TTN: variants seen among roughly 807,000 people sequenced by gnomAD.
TTN encodes the protein titin.
TTN carries 1,525 observed loss-of-function variants against 3,223.0 expected under a neutral mutation model. That is an observed-to-expected ratio of 0.47 (90% confidence interval 0.45 to 0.49). The LOEUF (loss-of-function observed/expected upper bound fraction) is 0.49, where lower values mean the gene tolerates loss of function less well. Ranked by LOEUF, TTN falls within the 20% of genes least tolerant of loss-of-function variation. The pLI is 0.00. For synonymous variants in TTN, 14,094 were observed against 15,161.0 expected, an observed-to-expected ratio of 0.93 and a Z score of 5.17; for missense variants, 40,786 against 43,424.0, an observed-to-expected ratio of 0.94 and a Z score of 5.40.
rs763218612 is a variant in TTN at position 178,786,171 on chromosome 2, T to C, written c.2077-30A>G. ...AGACAAGGTTTCCAGAATTAATACATAGGAATATCGAGATCAGGCTGGAAT... is the reference window on the plus strand; with the variant it reads ...AGACAAGGTTTCCAGAATTAATACACAGGAATATCGAGATCAGGCTGGAAT... On this transcript the variant is annotated intron_variant, in intron 13 of 362. Coordinates refer to ENST00000589042, the MANE Select transcript of TTN (RefSeq NM_001267550.2). 5.0e-6 allele frequency: 8 copies of C among 1,610,644 alleles called. No individual in the cohort carries two copies. In the African/African-American group the frequency reaches 5.3e-5, roughly 11 times the overall value.
chr2:178,549,987 T>C lies in TTN; in HGVS notation c.91851A>G (p.Gln30617=), dbSNP rs1698689694. The part of the protein sequence containing the change: ...SAKAEIKVKV[Q]DTPGKVVGPI... ...ATTAAGAAGCTATTTTAAAAGTACC[T>C]TGTACTTTCACTTTAATTTCTGCTT... Residue 30617 remains glutamine (Q), a splice_region_variant and synonymous_variant, in exon 337 of 363, where the codon CAA becomes CAG. Coordinates refer to ENST00000589042, the MANE Select transcript of TTN (RefSeq NM_001267550.2). 1.2e-6 allele frequency: 2 copies of C among 1,606,582 alleles called. No homozygotes were observed. The highest frequency in any genetic ancestry group is 1.7e-6 in the Non-Finnish European group (2 of 1,174,818).
chr2:178,529,323 CT>C, intron 359 of TTN, 104 bp from the exon 360 acceptor site: 1 of 878,436 alleles, frequency 1.1e-6, no homozygotes, highest in Admixed American at 3.5e-5. Flanking sequence ...AAAAAGTCAA[CT>C]TCTTCATGCA....
chr2:178,548,027 G>GTT lies in TTN; in HGVS notation c.93598_93599insAA (p.Ala31200GlufsTer27). On this transcript the variant is annotated frameshift_variant, in exon 339 of 363. Transcript: ENST00000589042. LOFTEE classifies it high-confidence loss of function. The surrounding 1 kb of genome is among the most constrained non-coding windows in gnomAD (Gnocchi z 4.3). ...CTCCTTAATGATGACAGAAGAGAAG[G>GTT]CTTCTCTGGGTTCACTATAGCCAGC... is the stretch of plus-strand genomic sequence containing the variant. 1 of 1,613,806 alleles carries GTT rather than the reference G, an allele frequency of 6.2e-7. No homozygotes were observed. The highest frequency in any genetic ancestry group is 8.5e-7 in the Non-Finnish European group (1 of 1,179,804).
At chr2:178,748,795 A>G (rs749355541) in intron 47 of TTN, 2 of 1,611,998 alleles carry the variant, frequency 1.2e-6, no homozygotes, top group Admixed American at 1.7e-5. Context: ...TTTGAGAGGA[A>G]AGCAGCTTTA....
At position 178,540,265 on chromosome 2, in the gene TTN, C is replaced by T. The variant is rs752930173; in HGVS notation, c.97901G>A (p.Gly32634Asp). The T allele has an allele frequency of 1.9e-6, 3 of 1,613,720 alleles. No homozygotes were observed. Among genetic ancestry groups the T allele is most frequent in the African/African-American group, 2.7e-5 (2 of 74,898 alleles). Reference protein sequence around the residue: ...PEDEGGSKVTGYLIEMQKVDQ... With the variant: ...PEDEGGSKVTDYLIEMQKVDQ... ...TACTTTTTGCATTTCAATCAAGTAG[C>T]CTGTGACTTTAGATCCTCCTTCATC... Residue 32634 changes from glycine to aspartate, a missense_variant, in exon 351 of 363, where the codon GGC becomes GAC. Physicochemically the swap from Gly to Asp is moderately conservative, Grantham distance 94. Coordinates refer to ENST00000589042, the MANE Select transcript of TTN (RefSeq NM_001267550.2).
At position 178,543,911 on chromosome 2, in the gene TTN, T is replaced by C. The variant is rs1157695554; in HGVS notation, c.96233A>G (p.Tyr32078Cys). The C allele has an allele frequency of 6.2e-6, 10 of 1,613,726 alleles. No individual in the cohort carries two copies. In the East Asian group the frequency reaches 2.2e-4, roughly 36 times the overall value. The part of the protein sequence containing the change: ...SLLIVDKVNR[Y>C]DAGKYTIEAE... ...TTCAATTGTGTATTTTCCAGCATCG[T>C]ACCGATTAACTTTGTCCACTATTAG... The change falls in exon 346 of 363, where the codon TAC becomes TGC. Residue 32078 changes from tyrosine (Y) to cysteine (C), a missense_variant. Transcript: ENST00000589042.
intron 47 of TTN, chr2:178,744,959 A>G (rs1574141205): frequency 1.0e-6 from 1 of 985,360 alleles, no homozygotes; most frequent in Non-Finnish European, 1.2e-6. Flanking sequence ...ACTTATGAAG[A>G]GGAATATTAA....
In TTN at chr2:178,560,107, C is replaced by T. The variant is rs369528150; in HGVS notation, c.86025G>A (p.Pro28675=). The change falls in exon 326 of 363, where the codon CCG becomes CCA. Residue 28675 remains proline (P), a synonymous_variant. Transcript: ENST00000589042. Reference sequence around the variant, plus strand: ...TTATCGGGGCCCCACCATCAAACAGCGGCTTAACCCAGGCAATAGTTATAG... The same window carrying T: ...TTATCGGGGCCCCACCATCAAACAGTGGCTTAACCCAGGCAATAGTTATAG... ...KTTITIAWVK[P]LFDGGAPITG... is the part of the protein sequence containing the mutation. 6.9e-5 allele frequency: 112 copies of T among 1,613,648 alleles called. 1 individual carries two copies. The highest frequency in any genetic ancestry group is 5.0e-4 in the Middle Eastern group (3 of 6,056).
chr2:178,621,501 C>T lies in TTN; in HGVS notation c.45323G>A (p.Arg15108Gln), dbSNP rs781435431. The change falls in exon 245 of 363, where the codon CGA becomes CAA. Residue 15108 changes from arginine to glutamine, a missense_variant. Coordinates refer to ENST00000589042, the MANE Select transcript of TTN (RefSeq NM_001267550.2). ...ATGTACTTTGACTTTGCCATCGGTT[C>T]GAGAGCTTGGGAGTCGACAGTTGTA... ...GNYNCRLPSS[R>Q]TDGKVKVHEL... 37 of 1,612,342 alleles carry T rather than the reference C, an allele frequency of 2.3e-5. No homozygotes were observed. Among genetic ancestry groups the T allele is most frequent in the Middle Eastern group, 1.7e-4 (1 of 6,046 alleles).
chr2:178,638,460 A>T (rs1323985664), intron 223 of TTN, among the ~76,000 whole-genome samples: 1 of 151,508 alleles, frequency 6.6e-6, no homozygotes, highest in East Asian at 1.9e-4. Context: ...CAGAAAATTA[A>T]ATTAAAAAAT....
rs75785339 is a variant in TTN at position 178,748,420 on chromosome 2, G to C, written c.11311+4704C>G. The C allele has an allele frequency of 6.6e-3, 10,675 of 1,613,078 alleles. 628 individuals carry two copies. In the African/African-American group the frequency reaches 0.13, roughly 19 times the overall value. On this transcript the variant is annotated intron_variant, in intron 47 of 362. Coordinates refer to ENST00000589042, the MANE Select transcript of TTN (RefSeq NM_001267550.2). ...TATTTTGCACACTTTTAGAGATATT[G>C]TGTGTGTCAGGTTGTAACGTTTCAG...
intron 33 of TTN, chr2:178,772,819 T>A: frequency 2.4e-6 from 1 of 424,756 alleles, no homozygotes; most frequent in Non-Finnish European, 4.2e-6. Context: ...TAATAAACAC[T>A]AGGAAAGAGG....
In TTN at chr2:178,685,522, A is replaced by T; in HGVS notation, c.32388T>A (p.Ala10796=). The change falls in exon 128 of 363, where the codon GCT becomes GCA. Residue 10796 remains alanine (A), a synonymous_variant. Transcript: ENST00000589042. ...IISKRVEAEP[A]EVTERQEKKI... is the part of the protein sequence containing the mutation. ...CTAATTAAAGAGTCAGCATACCTTC[A>T]GCTGGCTCAGCTTCCACTCTCTTAG... is the stretch of plus-strand genomic sequence containing the variant. 1 of 1,612,344 alleles carries T rather than the reference A, an allele frequency of 6.2e-7. No individual in the cohort carries two copies. Among genetic ancestry groups the T allele is most frequent in the Non-Finnish European group, 8.5e-7 (1 of 1,179,102 alleles).
Position 178,530,962 on chromosome 2 carries a change from A to G in TTN, c.105653T>C (p.Ile35218Thr), listed in dbSNP as rs143499441. Residue 35218 changes from isoleucine (I) to threonine (T), a missense_variant, in exon 358 of 363, where the codon ATT becomes ACT. Physicochemically the swap from Ile to Thr is moderately conservative, Grantham distance 89. Transcript: ENST00000589042. ...CTTTTCAGTTACCCTGGCCTTTTGA[A>G]TAGTCAGAGTGAACTCTGCTTCTTG... ...GKQEAEFTLT[I>T]QKARVTEKAV... The G allele has an allele frequency of 1.8e-4, 284 of 1,613,864 alleles. 1 individual carries two copies. The East Asian group carries it at 6.3e-3, about 36-fold the overall frequency.
Position 178,575,241 on chromosome 2 carries a change from G to T in TTN, c.70891C>A (p.Pro23631Thr). 2.5e-6 allele frequency: 4 copies of T among 1,613,126 alleles called. No homozygotes were observed. The highest frequency in any genetic ancestry group is 3.4e-6 in the Non-Finnish European group (4 of 1,179,540). Residue 23631 changes from proline to threonine, a missense_variant, in exon 326 of 363, where the codon CCA becomes ACA. Pro to Thr is a conservative substitution (Grantham distance 38, BLOSUM62 -1). Transcript: ENST00000589042. The surrounding 1 kb of genome is among the most constrained non-coding windows in gnomAD (Gnocchi z 4.0). ...PVIVKEQTML[P>T]ELDLRGIYQK... is the part of the protein sequence containing the mutation. ...TAGATGCCACGGAGATCCAGCTCTG[G>T]AAGCATTGTCTGCTCCTTGACAATG...
rs2063053615 is a variant in TTN at position 178,651,898 on chromosome 2, G to GCTGGCT, written c.39359_39364dup (p.Glu13120_Pro13121dup). The GCTGGCT allele has an allele frequency of 2.6e-5, 42 of 1,608,038 alleles. No individual in the cohort carries two copies. Among genetic ancestry groups the GCTGGCT allele is most frequent in the Non-Finnish European group, 3.6e-5 (42 of 1,177,346 alleles). On this transcript the variant is annotated inframe_insertion, in exon 205 of 363. Coordinates refer to ENST00000589042, the MANE Select transcript of TTN (RefSeq NM_001267550.2). ...TTGCCATGTACCTTGTGGAGGCGCC[G>GCTGGCT]CTGGCTCTGGCTCTTCCACAACTTC...
At chr2:178,678,698 C>A in intron 143 of TTN, 49 bp downstream of exon 143, 1 of 1,536,036 alleles carries the variant, frequency 6.5e-7, no homozygotes, top group Non-Finnish European at 8.9e-7. Context: ...AATTTTTACC[C>A]ATATGCAAAT....
At position 178,608,229 on chromosome 2, in the gene TTN, G is replaced by A. The variant is rs1266887478; in HGVS notation, c.52654C>T (p.Pro17552Ser). The part of the protein sequence containing the change: ...FRVCAENAAG[P>S]GKFSPPSDPK... ...TCTGAAGGTGGACTGAACTTTCCAGGTCCAGCTGCATTTTCAGCACATACT... is the reference window on the plus strand; with the variant it reads ...TCTGAAGGTGGACTGAACTTTCCAGATCCAGCTGCATTTTCAGCACATACT... The change falls in exon 275 of 363, where the codon CCT (proline) becomes TCT (serine). Residue 17552 changes from proline to serine, a missense_variant. Physicochemically the swap from Pro to Ser is moderately conservative, Grantham distance 74 (BLOSUM62 -1). Coordinates refer to ENST00000589042, the MANE Select transcript of TTN (RefSeq NM_001267550.2). The A allele has an allele frequency of 1.2e-6, 2 of 1,606,250 alleles. No homozygotes were observed. The highest frequency in any genetic ancestry group is 1.7e-5 in the Admixed American group (1 of 59,418).
In TTN at chr2:178,794,493, A is replaced by G. The variant is rs770187975; in HGVS notation, c.1304T>C (p.Met435Thr). Residue 435 changes from methionine to threonine, a missense_variant, in exon 8 of 363, where the codon ATG (methionine) becomes ACG (threonine). Physicochemically the swap from Met to Thr is moderately conservative, Grantham distance 81. Coordinates refer to ENST00000589042, the MANE Select transcript of TTN (RefSeq NM_001267550.2). ...GATCACTGGTTCTCTCACTCTGGCCATATCAACGGCAGCAACAACAGTCGC... is the reference window on the plus strand; with the variant it reads ...GATCACTGGTTCTCTCACTCTGGCCGTATCAACGGCAGCAACAACAGTCGC... The part of the protein sequence containing the change: ...AVATVVAAVD[M>T]ARVREPVISA... 1.9e-6 allele frequency: 3 copies of G among 1,614,094 alleles called. No individual in the cohort carries two copies. The highest frequency in any genetic ancestry group is 1.7e-5 in the Admixed American group (1 of 60,008).
Sources: allele counts gnomAD v4.1 joint callset (sites outside exome capture counted in the v4.1 genomes callset), GRCh38; gene constraint gnomAD v4.1.1; non-coding constraint Gnocchi (gnomAD v3.1); transcripts MANE v1.5; gene names NCBI Gene and HGNC (gene_info 2026-07-23, HGNC 2026-07-21).